Variants in MKX observed in about 807,000 individuals in gnomAD.
MKX encodes homeobox protein Mohawk.
A neutral mutation model predicts 36.0 loss-of-function variants in MKX; 13 were observed. The ratio of observed to expected loss-of-function variants is 0.36; its 90% confidence interval spans 0.24 to 0.57. The LOEUF (loss-of-function observed/expected upper bound fraction) is 0.57, where lower values mean the gene tolerates loss of function less well. MKX is among the 20% of genes least tolerant of loss of function. The pLI, the probability that MKX is intolerant of heterozygous loss-of-function variation, is 0.79. For synonymous variants in MKX, 176 were observed against 178.3 expected, an observed-to-expected ratio of 0.99 and a Z score of 0.10; for missense variants, 458 against 456.4, an observed-to-expected ratio of 1.00 and a Z score of -0.03.
At chr10:27,716,605 T>G (rs936274424) in intron 5 of MKX, among the ~76,000 whole-genome samples, 1 of 152,140 alleles carries the variant, frequency 6.6e-6, no homozygotes, top group Non-Finnish European at 1.5e-5. Context: ...TTATGTAAAT[T>G]TCAACTAACT....
chr10:27,711,410 T>TTCTTTCTTTCTTTTC (rs1564356668), intron 5 of MKX, among the ~76,000 whole-genome samples: 1 of 122,198 alleles, frequency 8.2e-6, no homozygotes, highest in African/African-American at 3.5e-5. Context: ...CCTTCTTTCC[T>TTCTTTCTTTCTTTTC]TCTTTCTTTC....
chr10:27,741,237 C>T lies in MKX; in HGVS notation c.348+108G>A. The stretch of plus-strand genomic sequence containing the variant: ...AGAAACTCCCACAGCTCGGCTCCAT[C>T]CCTCTCCAGGTAGAAGCGCCACGTG... On this transcript the variant is annotated intron_variant, in intron 3 of 6. Coordinates refer to ENST00000419761, the MANE Select transcript of MKX (RefSeq NM_173576.3). The surrounding 1 kb of genome is among the most constrained non-coding windows in gnomAD (Gnocchi z 5.1). 1.4e-6 allele frequency: 2 copies of T among 1,408,876 alleles called. No individual in the cohort carries two copies. The highest frequency in any genetic ancestry group is 1.8e-4 in the Middle Eastern group (1 of 5,458). 87.3% of individuals were successfully genotyped at this position (1,408,876 alleles called of 1,614,324 possible).
intron 3 of MKX, among the ~76,000 whole-genome samples, chr10:27,737,078 G>A (rs1034388019): frequency 6.6e-5 from 10 of 152,094 alleles, no homozygotes; most frequent in Non-Finnish European, 1.0e-4. Flanking sequence ...ACTCCCAGAA[G>A]GACTAGCGGA....
chr10:27,712,217 T>C (rs1160463642), intron 5 of MKX, among the ~76,000 whole-genome samples: 2 of 152,164 alleles, frequency 1.3e-5, no homozygotes, highest in Non-Finnish European at 2.9e-5. Flanking sequence ...GACATTCCCA[T>C]TGCTGTCTTC....
At chr10:27,680,429 T>C (rs1836235914) in intron 5 of MKX, among the ~76,000 whole-genome samples, 1 of 149,784 alleles carries the variant, frequency 6.7e-6, no homozygotes, top group Admixed American at 6.6e-5. Flanking sequence ...ACCCAAACCA[T>C]GTTGAAACTT....
intron 5 of MKX, among the ~76,000 whole-genome samples, chr10:27,703,052 C>T (rs904221756): frequency 2.0e-5 from 3 of 152,078 alleles, no homozygotes; most frequent in African/African-American, 4.8e-5. Context: ...ATTTGCTCAT[C>T]GTTCAAAAAA....
At chr10:27,723,179 G>C (rs993466506) in intron 5 of MKX, among the ~76,000 whole-genome samples, 1 of 151,930 alleles carries the variant, frequency 6.6e-6, no homozygotes, top group Admixed American at 6.6e-5. Context: ...AAAATTTTCT[G>C]AAAGAAAAAA....
intron 5 of MKX, among the ~76,000 whole-genome samples, chr10:27,721,249 G>A (rs73604043): frequency 0.028 from 2,093 of 74,468 alleles, 54 homozygotes; most frequent in African/African-American, 0.09. Flanking sequence ...GGACCTAGAT[G>A]AGAATATTTT....
intron 5 of MKX, among the ~76,000 whole-genome samples, chr10:27,709,102 G>A (rs1281304241): frequency 6.6e-6 from 1 of 152,022 alleles, no homozygotes; most frequent in Non-Finnish European, 1.5e-5. Context: ...CTGGGAGGTG[G>A]ATGTTGCAGT....
intron 5 of MKX, among the ~76,000 whole-genome samples, chr10:27,696,168 T>C (rs556163441): frequency 1.3e-5 from 2 of 152,264 alleles, no homozygotes; most frequent in East Asian, 1.9e-4. Context: ...ACCTCCGATA[T>C]TGGGGTTTGA....
chr10:27,739,117 C>T (rs1379373503), intron 3 of MKX, among the ~76,000 whole-genome samples: 1 of 152,046 alleles, frequency 6.6e-6, no homozygotes, highest in African/African-American at 2.4e-5. Context: ...TTAACATCTA[C>T]TCATTACTCC....
intron 5 of MKX, among the ~76,000 whole-genome samples, chr10:27,701,651 C>A (rs1182796402): frequency 4.3e-5 from 6 of 138,890 alleles, no homozygotes; most frequent in South Asian, 2.2e-4. Flanking sequence ...ATATTATATA[C>A]TAATATATTA....
At chr10:27,687,523 T>C (rs889088810) in intron 5 of MKX, among the ~76,000 whole-genome samples, 1 of 152,214 alleles carries the variant, frequency 6.6e-6, no homozygotes, top group Non-Finnish European at 1.5e-5. Context: ...TCTTTAGTCA[T>C]TTCCTGATGT....
intron 5 of MKX, among the ~76,000 whole-genome samples, chr10:27,694,527 A>AAAATATATATATATATAT (rs547670335): frequency 1.7e-5 from 2 of 114,344 alleles, no homozygotes; most frequent in African/African-American, 6.7e-5. Context: ...AAAAAAAAAA[A>AAAATATATATATATATAT]ATATATATAT....
chr10:27,719,994 A>AAAAG (rs1554773026), intron 5 of MKX, among the ~76,000 whole-genome samples: 1 of 147,082 alleles, frequency 6.8e-6, no homozygotes, highest in African/African-American at 2.5e-5. Flanking sequence ...AAAAAAAAAA[A>AAAAG]AGAGAGAGAG....
chr10:27,705,369 TATACA>T (rs1836729592), intron 5 of MKX, among the ~76,000 whole-genome samples: 1 of 152,204 alleles, frequency 6.6e-6, no homozygotes, highest in Admixed American at 6.5e-5. Flanking sequence ...TTGTTTGTTT[TATACA>T]GAGTGAGTCT....
At chr10:27,680,426 C>T (rs148544267) in intron 5 of MKX, among the ~76,000 whole-genome samples, 2 of 148,060 alleles carry the variant, frequency 1.4e-5, no homozygotes, top group East Asian at 3.9e-4. Context: ...AAAACCCAAA[C>T]CATGTTGAAA....
At chr10:27,705,411 G>A (rs1378253820) in intron 5 of MKX, among the ~76,000 whole-genome samples, 3 of 152,150 alleles carry the variant, frequency 2.0e-5, no homozygotes, top group Admixed American at 1.3e-4. Context: ...CTGGAGTGCA[G>A]TGGCACGGTC....
At chr10:27,676,635 T>G (rs1329910720) in intron 5 of MKX, among the ~76,000 whole-genome samples, 1 of 152,068 alleles carries the variant, frequency 6.6e-6, no homozygotes, top group African/African-American at 2.4e-5. Context: ...CTCAGCCTCC[T>G]AAAGTGCTGG....
Sources: allele counts gnomAD v4.1 joint callset (sites outside exome capture counted in the v4.1 genomes callset), GRCh38; gene constraint gnomAD v4.1.1; non-coding constraint Gnocchi (gnomAD v3.1); transcripts MANE v1.5; gene names NCBI Gene and HGNC (gene_info 2026-07-23, HGNC 2026-07-21).